Variants in ATG4D observed in about 807,000 individuals in gnomAD.
The protein encoded by ATG4D is autophagy related 4D cysteine peptidase, also known as cysteine protease ATG4D.
Under a neutral mutation model 55.2 loss-of-function variants are expected in ATG4D, and 51 were observed. That is an observed-to-expected ratio of 0.92 (90% CI 0.74 to 1.17). The LOEUF is 1.17. ATG4D is among the 50% of genes most tolerant of loss of function. The pLI is 0.00. For missense variants in ATG4D, 635 were observed against 649.6 expected, an observed-to-expected ratio of 0.98 and a Z score of 0.25; for synonymous variants, 268 against 266.2, an observed-to-expected ratio of 1.01 and a Z score of -0.07.
chr19:10,544,647 C>T (rs1461878860), intron 1 of ATG4D, 136 bp from the exon 2 acceptor site: 4 of 1,480,188 alleles, frequency 2.7e-6, no homozygotes, highest in Non-Finnish European at 3.6e-6. Context: ...GGGGGCCCCA[C>T]CTCCGACGGA....
At chr19:10,549,133 T>C in intron 6 of ATG4D, 99 bp downstream of exon 6, 1 of 1,458,578 alleles carries the variant, frequency 6.9e-7, no homozygotes, top group Non-Finnish European at 9.2e-7. Flanking sequence ...CATCACTTTT[T>C]TTTTTTTGAG....
intron 9 of ATG4D, 44 bp from the exon 10 acceptor site, chr19:10,552,841 C>A: frequency 1.3e-6 from 2 of 1,568,688 alleles, no homozygotes; most frequent in South Asian, 1.1e-5. Flanking sequence ...AGGAATATGG[C>A]TTGGCACTGT....
Position 10,546,820 on chromosome 19 carries a change from A to G in ATG4D, c.494-19A>G, listed in dbSNP as rs1295083025. ...CCCCACACACTAGCACTGTTTGACT[A>G]TGTGCTCCATTCCACCAGACTGGAC... On this transcript the variant is annotated intron_variant, in intron 3 of 9. Coordinates refer to ENST00000309469, the MANE Select transcript of ATG4D (RefSeq NM_032885.6). The G allele has an allele frequency of 1.3e-6, 2 of 1,553,178 alleles. No homozygotes were observed. Among genetic ancestry groups the G allele is most frequent in the Non-Finnish European group, 1.7e-6 (2 of 1,146,536 alleles).
chr19:10,552,791 A>G (rs1916321763), intron 9 of ATG4D, 94 bp from the exon 10 acceptor site: 3 of 1,316,854 alleles, frequency 2.3e-6, no homozygotes, highest in Non-Finnish European at 3.1e-6. Context: ...TCTCCTGGAG[A>G]GGTGGTCCTG....
Position 10,552,049 on chromosome 19 carries a change from C to T in ATG4D, c.1050C>T (p.Asp350=). ...HSLYFIGYQD[D]FLLYLDPHYC... ...TCACACCTGCACCCCCTGCAGATGA[C>T]TTCCTGCTGTACCTGGACCCTCACT... The change falls in exon 8 of 10, where the codon GAC becomes GAT. Residue 350 remains aspartate, a synonymous_variant. Transcript: ENST00000309469. 6.2e-7 allele frequency: 1 copy of T among 1,611,814 alleles called. No homozygotes were observed. The highest frequency in any genetic ancestry group is 1.3e-5 in the African/African-American group (1 of 74,816).
rs1915953753 is a variant in ATG4D, at chr19:10,544,126, G to A, written c.36G>A (p.Arg12=). The A allele has an allele frequency of 3.2e-6, 4 of 1,243,316 alleles. No homozygotes were observed. In the East Asian group the frequency reaches 1.3e-4, roughly 39 times the overall value. The allele number at this position is 1,243,316 out of a possible 1,614,324, so 77.0% of individuals were successfully genotyped here. Reference sequence around the variant, plus strand: ...TGTCGCCGGCCGCCGCGCAGTACCGGAGCAGCAGCCCGGAGGACGCGCGCC... The same window carrying A: ...TGTCGCCGGCCGCCGCGCAGTACCGAAGCAGCAGCCCGGAGGACGCGCGCC... The part of the protein sequence containing the change: ...NSVSPAAAQY[R]SSSPEDARRR... The change falls in exon 1 of 10, where the codon CGG becomes CGA. Residue 12 remains arginine (R), a synonymous_variant. Transcript: ENST00000309469.
rs1442293922 is a variant in ATG4D at position 10,548,897 on chromosome 19, C to A, written c.836-7C>A. 1 of 1,612,912 alleles carries A rather than the reference C, an allele frequency of 6.2e-7. No individual in the cohort carries two copies. The highest frequency in any genetic ancestry group is 1.1e-5 in the South Asian group (1 of 91,046). On this transcript the variant is annotated splice_polypyrimidine_tract_variant and splice_region_variant and intron_variant, in intron 5 of 9. Transcript: ENST00000309469. ...GAAGGTGACCTGCTGCTGTCCCGTC[C>A]CTCCAGTGTACAAGGCGGATGTGGC...
At chr19:10,552,160 G>T (rs765558252) in intron 8 of ATG4D, 39 bp downstream of exon 8, 107 of 1,610,588 alleles carry the variant, frequency 6.6e-5, no homozygotes, top group Non-Finnish European at 9.1e-5. Context: ...GGCCATGGCG[G>T]GTGGGCAGCC....
chr19:10,544,481 T>C (rs565387674), intron 1 of ATG4D, among the ~76,000 whole-genome samples, 156 bp downstream of exon 1: 4 of 152,166 alleles, frequency 2.6e-5, no homozygotes, highest in South Asian at 2.1e-4. Flanking sequence ...GGTCCAATAG[T>C]GTTTTCAAGC....
chr19:10,544,225 C>A lies in ATG4D; in HGVS notation c.135C>A (p.Ser45Arg). 8.0e-7 allele frequency: 1 copy of A among 1,254,928 alleles called. No individual in the cohort carries two copies. Among genetic ancestry groups the A allele is most frequent in the Non-Finnish European group, 1.0e-6 (1 of 991,632 alleles). 77.7% of individuals were successfully genotyped at this position (1,254,928 alleles called of 1,614,324 possible). A position where few individuals can be genotyped will look rare whatever the true frequency, so the allele number is the denominator to read the frequency against. The change falls in exon 1 of 10, where the codon AGC becomes AGA. Residue 45 changes from serine (S) to arginine (R), a missense_variant. Ser to Arg is a moderately radical substitution (Grantham distance 110). Coordinates refer to ENST00000309469, the MANE Select transcript of ATG4D (RefSeq NM_032885.6). ...ACGGCCTGGGGCCTTCCGGAGCCAG[C>A]GGCCCCGCTCTTGGCTCTCCCGGGG... ...DPNGLGPSGA[S>R]GPALGSPGAG...
Position 10,553,162 on chromosome 19 carries a change from C to A in ATG4D, c.*95C>A. 7.1e-7 allele frequency: 1 copy of A among 1,408,854 alleles called. No individual in the cohort carries two copies. The highest frequency in any genetic ancestry group is 9.4e-7 in the Non-Finnish European group (1 of 1,062,128). The allele number at this position is 1,408,854 out of a possible 1,614,324, so 87.3% of individuals were successfully genotyped here. A position where few individuals can be genotyped will look rare whatever the true frequency, so the allele number is the denominator to read the frequency against. On this transcript the variant is annotated 3_prime_UTR_variant, in exon 10 of 10. Coordinates refer to ENST00000309469, the MANE Select transcript of ATG4D (RefSeq NM_032885.6). ...TTGAGCTCTGGCAGTGATGATGGTA[C>A]TTCCTGTTGTCAGCCCCTCAAGCCC...
At position 10,551,697 on chromosome 19, in the gene ATG4D, CAAAAA is replaced by C. The variant is rs35373422; in HGVS notation, c.967-182_967-178del. Among the ~76,000 whole-genome samples, 46 of 93,046 alleles carry C rather than the reference CAAAAA, an allele frequency of 4.9e-4. 1 individual carries two copies. Among genetic ancestry groups the C allele is most frequent in the Admixed American group, 1.1e-4 (1 of 9,154 alleles). 61.0% of individuals were successfully genotyped at this position (93,046 alleles called of 152,430 possible). On this transcript the variant is annotated intron_variant, in intron 6 of 9. Coordinates refer to ENST00000309469, the MANE Select transcript of ATG4D (RefSeq NM_032885.6). ...TGGGTGACAGAGTGAGACTCCGTCT[CAAAAA>C]AAAAAAAAAAAAAAAAATTCATGTA...
Position 10,552,044 on chromosome 19 carries a change from G to A in ATG4D, c.1046-1G>A. On this transcript the variant is annotated splice_acceptor_variant, in intron 7 of 9. Coordinates refer to ENST00000309469, the MANE Select transcript of ATG4D (RefSeq NM_032885.6). LOFTEE classifies it high-confidence loss of function. ...CCCACTCACACCTGCACCCCCTGCA[G>A]ATGACTTCCTGCTGTACCTGGACCC... The A allele has an allele frequency of 6.2e-7, 1 of 1,609,220 alleles. No individual in the cohort carries two copies. Among genetic ancestry groups the A allele is most frequent in the Non-Finnish European group, 8.5e-7 (1 of 1,179,024 alleles).
intron 4 of ATG4D, 34 bp from the exon 5 acceptor site, chr19:10,547,155 C>G (rs201905773): frequency 1.2e-4 from 195 of 1,612,382 alleles, no homozygotes; most frequent in Non-Finnish European, 1.6e-4. Flanking sequence ...TGCTGGGTAC[C>G]CGCAGGCACT....
rs539972311 is a variant in ATG4D, at chr19:10,549,326, T to G, written c.966+292T>G. 2.6e-5 allele frequency among the ~76,000 whole-genome samples: 4 copies of G among 152,178 alleles called. No individual in the cohort carries two copies. The East Asian group carries it at 7.7e-4, about 29-fold the overall frequency. The stretch of plus-strand genomic sequence containing the variant: ...TTAGTAGAGACAGGGTTTCACCATT[T>G]TGGTCAGGCTGATCTTGAACTCCTA... On this transcript the variant is annotated intron_variant, in intron 6 of 9. Coordinates refer to ENST00000309469, the MANE Select transcript of ATG4D (RefSeq NM_032885.6).
At chr19:10,546,779 A>G in intron 3 of ATG4D, 60 bp from the exon 4 acceptor site, 2 of 1,492,064 alleles carry the variant, frequency 1.3e-6, no homozygotes, top group Non-Finnish European at 9.0e-7. Flanking sequence ...GTGCATGTGT[A>G]GATGGGACCT....
rs1916331478 is a variant in ATG4D at position 10,552,894 on chromosome 19, T to A, written c.1252T>A (p.Ser418Thr). Residue 418 changes from serine to threonine, a missense_variant, in exon 10 of 10, where the codon TCC becomes ACC. Physicochemically the swap from Ser to Thr is moderately conservative, Grantham distance 58. Transcript: ENST00000309469. ...TCCCTCTTCCCGCCAGGTCCTCAGC[T>A]CCTCCTCAGCCACAGAGCGGTACCC... ...LCSELTRVLS[S>T]SSATERYPMF... 1.9e-6 allele frequency: 3 copies of A among 1,579,724 alleles called. No homozygotes were observed. The highest frequency in any genetic ancestry group is 2.6e-6 in the Non-Finnish European group (3 of 1,150,406).
chr19:10,547,923 C>T (rs1916092957), intron 5 of ATG4D, among the ~76,000 whole-genome samples: 1 of 147,574 alleles, frequency 6.8e-6, no homozygotes, highest in African/African-American at 2.5e-5. Flanking sequence ...TCTTGAACTC[C>T]TGACCTCAGG....
Position 10,551,985 on chromosome 19 carries a change from C to T in ATG4D, c.1045+10C>T. On this transcript the variant is annotated intron_variant, in intron 7 of 9. Transcript: ENST00000309469. The stretch of plus-strand genomic sequence containing the variant: ...TTCATTGGCTACCAAGGTAGGCCCA[C>T]CCCCTCCTCACTCCTCCCACCCCCC... 6.4e-7 allele frequency: 1 copy of T among 1,565,512 alleles called. No homozygotes were observed. The highest frequency in any genetic ancestry group is 1.1e-5 in the South Asian group (1 of 88,730).
Sources: gnomAD v4.1 joint callset for allele counts (sites outside exome capture counted in the v4.1 genomes callset) on GRCh38, gnomAD v4.1.1 for gene constraint, MANE v1.5 for transcripts, NCBI Gene and HGNC (gene_info 2026-07-23, HGNC 2026-07-21) for gene names.